BPI: variants seen among roughly 807,000 people sequenced by gnomAD.
The protein encoded by BPI is bactericidal permeability-increasing protein.
A neutral mutation model predicts 57.6 loss-of-function variants in BPI; 48 were observed. That is an observed-to-expected ratio of 0.83 (90% CI 0.66 to 1.06). BPI has a LOEUF of 1.06. BPI is among the 50% of genes least tolerant of loss of function. BPI has a pLI of 0.00. For synonymous variants in BPI, 237 were observed against 238.2 expected, an observed-to-expected ratio of 0.99 and a Z score of 0.05; for missense variants, 651 against 609.7, an observed-to-expected ratio of 1.07 and a Z score of -0.71.
intron 5 of BPI, among the ~76,000 whole-genome samples, chr20:38,315,337 G>T (rs1289764816): frequency 6.6e-6 from 1 of 152,210 alleles, no homozygotes; most frequent in Non-Finnish European, 1.5e-5. Flanking sequence ...CATGATGCCA[G>T]GAGGGTCTGG....
At chr20:38,334,888 A>T (rs1747727939) in intron 13 of BPI, among the ~76,000 whole-genome samples, 1 of 152,172 alleles carries the variant, frequency 6.6e-6, no homozygotes, top group Non-Finnish European at 1.5e-5. Flanking sequence ...CTTTGGAAGC[A>T]GGATGAGGGG....
chr20:38,320,302 C>A (rs779880069), intron 7 of BPI, 28 bp downstream of exon 7: 7 of 1,597,702 alleles, frequency 4.4e-6, no homozygotes, highest in Non-Finnish European at 6.0e-6. Flanking sequence ...AATCATACAC[C>A]CTCACACCTC....
rs1399323720 is a variant in BPI, at chr20:38,323,941, C to T, written c.828C>T (p.Ala276=). 6.2e-7 allele frequency: 1 copy of T among 1,614,202 alleles called. No individual in the cohort carries two copies. Among genetic ancestry groups the T allele is most frequent in the East Asian group, 2.2e-5 (1 of 44,890 alleles). The change falls in exon 8 of 15, where the codon GCC becomes GCT. Residue 276 remains alanine (A), a synonymous_variant. Coordinates refer to ENST00000642449, the MANE Select transcript of BPI (RefSeq NM_001725.3). Reference sequence around the variant, plus strand: ...CACCAGTGATGGAGTTTCCCGCTGCCCATGACCGCATGGTATACCTGGGCC... The same window carrying T: ...CACCAGTGATGGAGTTTCCCGCTGCTCATGACCGCATGGTATACCTGGGCC... ...FAPPVMEFPA[A]HDRMVYLGLS... is the part of the protein sequence containing the mutation.
chr20:38,322,184 C>T (rs2076689598), intron 7 of BPI, among the ~76,000 whole-genome samples: 1 of 152,016 alleles, frequency 6.6e-6, no homozygotes, highest in Admixed American at 6.5e-5. Context: ...TTGGGCTTTC[C>T]ATTTTTTTTT....
intron 9 of BPI, among the ~76,000 whole-genome samples, chr20:38,325,773 A>C (rs1300790903): frequency 6.6e-6 from 1 of 152,076 alleles, no homozygotes; most frequent in Non-Finnish European, 1.5e-5. Flanking sequence ...GTTGTCTTGA[A>C]GCTTCATTTG....
Position 38,337,165 on chromosome 20 carries a change from C to A in BPI, c.1433C>A (p.Ala478Glu). Residue 478 changes from alanine (A) to glutamate (E), a missense_variant, in exon 15 of 15, where the codon GCA becomes GAA. Transcript: ENST00000642449. ...CCCTAGAACTTCCTGCTGTTCGGTG[C>A]AGACGTTGTCTATAAATGAAGGCAC... ...QPHQNFLLFGADVVYK is the reference protein window; with the variant it reads ...QPHQNFLLFGEDVVYK The A allele has an allele frequency of 6.3e-7, 1 of 1,594,584 alleles. No individual in the cohort carries two copies. Among genetic ancestry groups the A allele is most frequent in the Non-Finnish European group, 8.5e-7 (1 of 1,172,086 alleles).
At chr20:38,311,221 G>C (rs1457579705) in intron 4 of BPI, among the ~76,000 whole-genome samples, 2 of 152,202 alleles carry the variant, frequency 1.3e-5, no homozygotes, top group East Asian at 3.9e-4. Flanking sequence ...AGTTGCTACA[G>C]CTAATGAGTG....
intron 5 of BPI, 42 bp from the exon 6 acceptor site, chr20:38,318,371 C>G: frequency 6.4e-7 from 1 of 1,572,802 alleles, no homozygotes; most frequent in Non-Finnish European, 8.8e-7. Flanking sequence ...ACATTTTTCA[C>G]TATGGGAAGA....
chr20:38,328,952 G>C (rs2076728245), intron 11 of BPI, among the ~76,000 whole-genome samples: 1 of 152,096 alleles, frequency 6.6e-6, no homozygotes, highest in Non-Finnish European at 1.5e-5. Flanking sequence ...GCTGCAGTGA[G>C]CCATGTTCCA....
At chr20:38,312,045 G>C in intron 5 of BPI, 108 bp downstream of exon 5, 1 of 1,138,486 alleles carries the variant, frequency 8.8e-7, no homozygotes, top group East Asian at 2.4e-5. Context: ...CCCCTTGGTA[G>C]TCCTTATGGC....
At chr20:38,317,532 C>G in intron 5 of BPI, 2 of 646,664 alleles carry the variant, frequency 3.1e-6, no homozygotes, top group Non-Finnish European at 5.7e-6. Flanking sequence ...CTCCACAGGG[C>G]TTGGGCTTCT....
intron 6 of BPI, 48 bp from the exon 7 acceptor site, chr20:38,320,135 C>T (rs1255420971): frequency 4.8e-6 from 7 of 1,465,892 alleles, no homozygotes; most frequent in Admixed American, 1.7e-5. Context: ...CAGCTTCCAG[C>T]GATGCTGCCG....
At chr20:38,324,710 C>T (rs1186080749) in intron 8 of BPI, 64 bp from the exon 9 acceptor site, 2 of 1,365,404 alleles carry the variant, frequency 1.5e-6, no homozygotes, top group Non-Finnish European at 2.1e-6. Context: ...CGATACAGAA[C>T]TCACCCCCTC....
rs148087853 is a variant in BPI at position 38,309,011 on chromosome 20, C to G, written c.327C>G (p.Asn109Lys). 9 of 1,614,034 alleles carry G rather than the reference C, an allele frequency of 5.6e-6. No homozygotes were observed. The highest frequency in any genetic ancestry group is 5.0e-5 in the Admixed American group (3 of 59,998). Residue 109 changes from asparagine (N) to lysine (K), a missense_variant, in exon 3 of 15, where the codon AAC (asparagine) becomes AAG (lysine). By Grantham distance (94) the Asn-to-Lys change is moderately conservative. Coordinates refer to ENST00000642449, the MANE Select transcript of BPI (RefSeq NM_001725.3). ...PNVGLKFSISNANIKISGKWK... is the reference protein window; with the variant it reads ...PNVGLKFSISKANIKISGKWK... Reference sequence around the variant, plus strand: ...TGGGCCTTAAGTTCTCCATCAGCAACGCCAATATCAAGATCAGCGGGAAAT... The same window carrying G: ...TGGGCCTTAAGTTCTCCATCAGCAAGGCCAATATCAAGATCAGCGGGAAAT...
At chr20:38,329,888 T>C (rs1412935117) in intron 11 of BPI, among the ~76,000 whole-genome samples, 5 of 151,932 alleles carry the variant, frequency 3.3e-5, no homozygotes, top group Non-Finnish European at 5.9e-5. Context: ...AATTTTTGTA[T>C]TTTTAGTAGA....
Position 38,335,605 on chromosome 20 carries a change from A to G in BPI, c.1344A>G (p.Leu448=). The G allele has an allele frequency of 6.2e-7, 1 of 1,613,986 alleles. No homozygotes were observed. Among genetic ancestry groups the G allele is most frequent in the Non-Finnish European group, 8.5e-7 (1 of 1,179,896 alleles). The part of the protein sequence containing the change: ...ILVLPRVNEK[L]QKGFPLPTPA... ...CATCGGTCTCTGTCACAGAGAAACTACAGAAAGGCTTCCCTCTCCCGACGC... is the reference window on the plus strand; with the variant it reads ...CATCGGTCTCTGTCACAGAGAAACTGCAGAAAGGCTTCCCTCTCCCGACGC... The change falls in exon 14 of 15, where the codon CTA becomes CTG. Residue 448 remains leucine, a synonymous_variant. Coordinates refer to ENST00000642449, the MANE Select transcript of BPI (RefSeq NM_001725.3).
At chr20:38,324,923 A>G (rs1462993617) in intron 9 of BPI, 90 bp downstream of exon 9, 29 of 1,005,932 alleles carry the variant, frequency 2.9e-5, no homozygotes, top group Non-Finnish European at 1.6e-5. Flanking sequence ...CCTCCACCCA[A>G]CATAACACAC....
intron 4 of BPI, 58 bp from the exon 5 acceptor site, chr20:38,311,816 A>G: frequency 6.4e-7 from 1 of 1,566,590 alleles, no homozygotes; most frequent in Non-Finnish European, 8.8e-7. Flanking sequence ...CAGCCTCCTG[A>G]ATCCAGCCCA....
chr20:38,316,385 C>A (rs2076652113), intron 5 of BPI, among the ~76,000 whole-genome samples: 1 of 152,186 alleles, frequency 6.6e-6, no homozygotes, highest in Admixed American at 6.5e-5. Context: ...GCCTTGGGGA[C>A]CAGTAGGACA....
Sources: allele counts gnomAD v4.1 joint callset (sites outside exome capture counted in the v4.1 genomes callset), GRCh38; gene constraint gnomAD v4.1.1; transcripts MANE v1.5; gene names NCBI Gene and HGNC (gene_info 2026-07-23, HGNC 2026-07-21).